The following SLC35F3 variants were observed in gnomAD, a reference collection of about 807,000 sequenced individuals.
SLC35F3 encodes solute carrier family 35 member F3.
SLC35F3 carries 25 observed loss-of-function variants against 49.9 expected under a neutral mutation model. The ratio of observed to expected loss-of-function variants is 0.50; its 90% CI spans 0.37 to 0.70. The LOEUF (loss-of-function observed/expected upper bound fraction) is 0.70. Ranked by LOEUF, SLC35F3 falls within the 30% of genes least tolerant of loss-of-function variation. The pLI, the probability that SLC35F3 is intolerant of heterozygous loss-of-function variation, is 0.00. For missense variants in SLC35F3, 525 were observed against 639.8 expected, an observed-to-expected ratio of 0.82 and a Z score of 1.94; for synonymous variants, 275 against 265.4, an observed-to-expected ratio of 1.04 and a Z score of -0.35.
chr1:234,268,372 A>AGGG (rs1420215231), intron 3 of SLC35F3, among the ~76,000 whole-genome samples: 1 of 151,426 alleles, frequency 6.6e-6, no homozygotes, highest in East Asian at 1.9e-4. Context: ...AGAATCAGGC[A>AGGG]GGGAGGTTGC....
chr1:234,175,782 G>A (rs1243783514), intron 2 of SLC35F3, among the ~76,000 whole-genome samples: 2 of 152,128 alleles, frequency 1.3e-5, no homozygotes, highest in Admixed American at 1.3e-4. Flanking sequence ...AGAGGACAGA[G>A]GCAGCACTGG....
intron 2 of SLC35F3, among the ~76,000 whole-genome samples, chr1:233,982,376 T>C (rs1663200659): frequency 6.6e-6 from 1 of 152,176 alleles, no homozygotes; most frequent in South Asian, 2.1e-4. Flanking sequence ...AATTTATTTT[T>C]ATTTTATTTT....
intron 2 of SLC35F3, among the ~76,000 whole-genome samples, chr1:234,113,755 C>T (rs780224241): frequency 4.6e-5 from 7 of 152,152 alleles, no homozygotes; most frequent in East Asian, 3.8e-4. Flanking sequence ...CCCAGCTACT[C>T]GGGAGGCTGA....
At chr1:233,976,596 T>C (rs1055315591) in intron 2 of SLC35F3, among the ~76,000 whole-genome samples, 2 of 152,216 alleles carry the variant, frequency 1.3e-5, no homozygotes, top group African/African-American at 4.8e-5. Flanking sequence ...CATAATTTCA[T>C]AGTATGGTTG....
intron 2 of SLC35F3, among the ~76,000 whole-genome samples, chr1:234,119,578 C>T (rs557681657): frequency 1.1e-4 from 17 of 152,266 alleles, no homozygotes; most frequent in Admixed American, 4.6e-4. Context: ...GAAAGGAAAA[C>T]GAAGCTCTGT....
rs1666928058 is a variant in SLC35F3 at position 234,203,406 on chromosome 1, A to G, written c.284-28011A>G. On this transcript the variant is annotated intron_variant, in intron 2 of 7. Transcript: ENST00000366618. ...ACTCATTTTTTAGCCCCTTTAAACT[A>G]TTCTTAAGCATCAAGAATGGTTTTG... Among the ~76,000 whole-genome samples the G allele has an allele frequency of 2.0e-5, 3 of 152,178 alleles. No individual in the cohort carries two copies. The South Asian group carries it at 6.2e-4, about 31-fold the overall frequency.
At chr1:234,311,859 C>A (rs563426466) in intron 4 of SLC35F3, among the ~76,000 whole-genome samples, 1 of 152,260 alleles carries the variant, frequency 6.6e-6, no homozygotes, top group Non-Finnish European at 1.5e-5. Flanking sequence ...GATCTTGGCT[C>A]CATTGTTATA....
intron 3 of SLC35F3, among the ~76,000 whole-genome samples, chr1:234,260,514 G>A (rs1212578397): frequency 6.6e-6 from 1 of 152,174 alleles, no homozygotes; most frequent in Admixed American, 6.5e-5. Context: ...GAGCCCTCTG[G>A]ACGGAGATCA....
At chr1:234,239,417 C>T (rs1323633395) in intron 3 of SLC35F3, among the ~76,000 whole-genome samples, 3 of 152,114 alleles carry the variant, frequency 2.0e-5, no homozygotes, top group African/African-American at 4.8e-5. Context: ...GGTTTTTCAT[C>T]GAGTCAAGAC....
intron 2 of SLC35F3, among the ~76,000 whole-genome samples, chr1:234,090,511 G>A (rs1047085573): frequency 2.6e-5 from 4 of 152,218 alleles, no homozygotes; most frequent in South Asian, 2.1e-4. Flanking sequence ...AGGCTCGGGG[G>A]TACTTATAGG....
chr1:234,111,245 A>C (rs1665401295), intron 2 of SLC35F3, among the ~76,000 whole-genome samples: 1 of 152,122 alleles, frequency 6.6e-6, no homozygotes, highest in Non-Finnish European at 1.5e-5. Context: ...ATCTGTGTTC[A>C]TGTGGACTTG....
chr1:234,251,439 A>G (rs1572115950), intron 3 of SLC35F3, among the ~76,000 whole-genome samples: 1 of 143,620 alleles, frequency 7.0e-6, no homozygotes, highest in Non-Finnish European at 1.5e-5. Context: ...TATATAGAAG[A>G]AAAGAGCCCA....
At chr1:234,010,761 G>A (rs1052914745) in intron 2 of SLC35F3, among the ~76,000 whole-genome samples, 13 of 152,158 alleles carry the variant, frequency 8.5e-5, no homozygotes, top group Non-Finnish European at 1.8e-4. Context: ...TAGACTGAAC[G>A]TGAAGGGATG....
At chr1:234,000,806 G>A (rs12061348) in intron 2 of SLC35F3, among the ~76,000 whole-genome samples, 3,899 of 152,280 alleles carry the variant, frequency 0.026, 150 homozygotes, top group African/African-American at 0.087. Context: ...AGGCCAGAGC[G>A]GGTGTGGAGC....
In SLC35F3 at chr1:233,949,696, A is replaced by C. The variant is rs4484983; in HGVS notation, c.283+43938A>C. On this transcript the variant is annotated intron_variant, in intron 2 of 7. Transcript: ENST00000366618. ...GCTTGTCATGTTAGGATCGCTGGGC[A>C]GGTTAATTAGTGTCGCTAGCAGCCC... Among the ~76,000 whole-genome samples the C allele has an allele frequency of 8.1e-3, 1,238 of 152,290 alleles. 16 individuals carry two copies. The highest frequency in any genetic ancestry group is 0.029 in the African/African-American group (1,187 of 41,554).
chr1:234,007,600 CT>C (rs1194150287), intron 2 of SLC35F3, among the ~76,000 whole-genome samples: 1 of 152,200 alleles, frequency 6.6e-6, no homozygotes, highest in Non-Finnish European at 1.5e-5. Context: ...TGACTATTCA[CT>C]TGTATATTAA....
intron 2 of SLC35F3, among the ~76,000 whole-genome samples, chr1:233,987,506 C>T (rs1663285333): frequency 6.6e-6 from 1 of 151,840 alleles, no homozygotes; most frequent in African/African-American, 2.4e-5. Context: ...TTTTGATTCC[C>T]CATCTTTTTA....
chr1:233,971,012 G>A (rs1200509335), intron 2 of SLC35F3, among the ~76,000 whole-genome samples: 1 of 152,236 alleles, frequency 6.6e-6, no homozygotes, highest in Non-Finnish European at 1.5e-5. Context: ...CTTTCTGTAT[G>A]TGGCTAGCCT....
intron 3 of SLC35F3, among the ~76,000 whole-genome samples, chr1:234,240,847 G>A (rs1417376088): frequency 6.6e-6 from 1 of 152,176 alleles, no homozygotes; most frequent in African/African-American, 2.4e-5. Context: ...GCTGTTGCAG[G>A]AGGAAGGAGC....
Sources: gnomAD v4.1 joint callset for allele counts (sites outside exome capture counted in the v4.1 genomes callset) on GRCh38, gnomAD v4.1.1 for gene constraint, MANE v1.5 for transcripts, NCBI Gene and HGNC (gene_info 2026-07-23, HGNC 2026-07-21) for gene names.